The following ZFPM2 variants were observed in gnomAD, a reference collection of about 807,000 sequenced individuals.
The protein encoded by ZFPM2 is zinc finger protein, FOG family member 2.
Under a neutral mutation model 98.6 loss-of-function variants are expected in ZFPM2, and 20 were observed. The ratio of observed to expected loss-of-function variants is 0.20; its 90% CI spans 0.14 to 0.29. ZFPM2 has a LOEUF of 0.29. Ranked by LOEUF, ZFPM2 falls within the 10% of genes least tolerant of loss-of-function variation. The probability of loss-of-function intolerance (pLI) is 1.00; values close to 1 mark genes in which losing one functional copy is unlikely to be tolerated. For missense variants in ZFPM2, 1,310 were observed against 1,388.6 expected (o/e 0.94, Z 0.90); for synonymous variants, 518 against 502.7 (o/e 1.03, Z -0.41).
At chr8:105,648,858 C>G (rs7016884) in intron 5 of ZFPM2, among the ~76,000 whole-genome samples, 1 of 152,082 alleles carries the variant, frequency 6.6e-6, no homozygotes, top group Non-Finnish European at 1.5e-5. Context: ...CTTGGCAATG[C>G]GGGCTCTTTT....
chr8:105,695,798 C>T (rs1586203778), intron 5 of ZFPM2, among the ~76,000 whole-genome samples: 1 of 151,734 alleles, frequency 6.6e-6, no homozygotes, highest in African/African-American at 2.4e-5. Context: ...TAAGTCATCT[C>T]TACATTGGAC....
intron 4 of ZFPM2, among the ~76,000 whole-genome samples, chr8:105,612,184 A>G (rs1335222291): frequency 6.6e-6 from 1 of 152,188 alleles, no homozygotes; most frequent in Non-Finnish European, 1.5e-5. Context: ...CAATAGGTTC[A>G]AAATTTCCCA....
rs1210625146 is a variant in ZFPM2 at position 105,802,400 on chromosome 8, C to G, written c.2318C>G (p.Thr773Ser). ...VANLNNPCTS[T>S]QEPTEGLGEC... ...AACCTCAATAATCCTTGTACCTCCA[C>G]TCAAGAACCCACAGAAGGGCTAGGA... Residue 773 changes from threonine to serine, a missense_variant, in exon 8 of 8, where the codon ACT becomes AGT. Thr to Ser is a moderately conservative substitution (Grantham distance 58). Transcript: ENST00000407775. The G allele has an allele frequency of 6.2e-7, 1 of 1,613,778 alleles. No homozygotes were observed. Among genetic ancestry groups the G allele is most frequent in the Admixed American group, 1.7e-5 (1 of 60,002 alleles).
intron 1 of ZFPM2, among the ~76,000 whole-genome samples, chr8:105,337,473 G>T (rs1347989021): frequency 4.0e-5 from 6 of 151,652 alleles, no homozygotes; most frequent in Admixed American, 4.0e-4. Flanking sequence ...AAATCTCAAA[G>T]TTTCAAAATT....
intron 3 of ZFPM2, among the ~76,000 whole-genome samples, chr8:105,520,604 G>A (rs1468192375): frequency 6.6e-6 from 1 of 151,928 alleles, no homozygotes; most frequent in Non-Finnish European, 1.5e-5. Context: ...AATCTAGTTG[G>A]GTAGATAGGC....
intron 1 of ZFPM2, among the ~76,000 whole-genome samples, chr8:105,402,545 GCTT>G (rs1185068361): frequency 6.6e-6 from 1 of 151,760 alleles, no homozygotes; most frequent in Non-Finnish European, 1.5e-5. Flanking sequence ...GGATCCTTTG[GCTT>G]CTTTTCAGCC....
At chr8:105,660,867 T>C (rs1817374674) in intron 5 of ZFPM2, among the ~76,000 whole-genome samples, 1 of 152,158 alleles carries the variant, frequency 6.6e-6, no homozygotes, top group Non-Finnish European at 1.5e-5. Context: ...TATAATATCA[T>C]AGAAAGCATC....
At chr8:105,602,477 C>T (rs1248675160) in intron 4 of ZFPM2, among the ~76,000 whole-genome samples, 1 of 152,044 alleles carries the variant, frequency 6.6e-6, no homozygotes, top group Admixed American at 6.6e-5. Context: ...CCTACCTGAC[C>T]TTCTCTAGAA....
chr8:105,609,113 A>G (rs1316746056), intron 4 of ZFPM2, among the ~76,000 whole-genome samples: 6 of 152,130 alleles, frequency 3.9e-5, no homozygotes, highest in Non-Finnish European at 8.8e-5. Flanking sequence ...GCACAGCACA[A>G]TTATATTCCC....
intron 4 of ZFPM2, among the ~76,000 whole-genome samples, chr8:105,584,970 A>G (rs559487326): frequency 1.3e-5 from 2 of 152,308 alleles, no homozygotes; most frequent in African/African-American, 2.4e-5. Context: ...ATCAATTTCA[A>G]CTTAAAGCAA....
intron 1 of ZFPM2, among the ~76,000 whole-genome samples, chr8:105,390,588 C>G (rs1355142392): frequency 6.6e-6 from 1 of 152,164 alleles, no homozygotes; most frequent in Non-Finnish European, 1.5e-5. Context: ...TCTCCACTCC[C>G]CCGTATCCTC....
At chr8:105,636,305 A>G (rs1008018185) in intron 5 of ZFPM2, among the ~76,000 whole-genome samples, 4 of 152,262 alleles carry the variant, frequency 2.6e-5, no homozygotes, top group Non-Finnish European at 4.4e-5. Flanking sequence ...TCTTTTTGCA[A>G]TAAACAACTT....
At chr8:105,747,430 A>C in intron 5 of ZFPM2, among the ~76,000 whole-genome samples, 1 of 152,066 alleles carries the variant, frequency 6.6e-6, no homozygotes, top group African/African-American at 2.4e-5. Context: ...GCCACATGTA[A>C]TGTTCTCTGA....
chr8:105,632,274 A>G (rs1017752348), intron 4 of ZFPM2, among the ~76,000 whole-genome samples: 6 of 152,144 alleles, frequency 3.9e-5, no homozygotes, highest in African/African-American at 1.2e-4. Flanking sequence ...GGTTGAAGCA[A>G]TTCTCCTGCC....
chr8:105,591,717 CA>C (rs1815848410), intron 4 of ZFPM2, among the ~76,000 whole-genome samples: 1 of 151,934 alleles, frequency 6.6e-6, no homozygotes, highest in Non-Finnish European at 1.5e-5. Context: ...ATAAAATACC[CA>C]GTAATATCAT....
At chr8:105,606,535 T>C (rs1367455487) in intron 4 of ZFPM2, among the ~76,000 whole-genome samples, 2 of 152,016 alleles carry the variant, frequency 1.3e-5, no homozygotes, top group African/African-American at 2.4e-5. Context: ...TAATAGAACA[T>C]ATAAATGCAT....
intron 5 of ZFPM2, chr8:105,684,994 A>G (rs577765877): frequency 3.3e-5 from 5 of 152,264 alleles, no homozygotes; most frequent in Non-Finnish European, 2.9e-5. Context: ...TATAAAATAT[A>G]TACAGGCATG....
chr8:105,650,854 G>C (rs1010914986), intron 5 of ZFPM2, among the ~76,000 whole-genome samples: 1 of 152,136 alleles, frequency 6.6e-6, no homozygotes, highest in Non-Finnish European at 1.5e-5. Context: ...GTTGATTTGC[G>C]GTGGAGAGTT....
At chr8:105,406,078 C>CT (rs1190112640) in intron 1 of ZFPM2, among the ~76,000 whole-genome samples, 1 of 152,106 alleles carries the variant, frequency 6.6e-6, no homozygotes, top group Admixed American at 6.5e-5. Context: ...TAAATGTCTT[C>CT]TTTTGAGAAG....
Sources: gnomAD v4.1 joint callset for allele counts (sites outside exome capture counted in the v4.1 genomes callset) on GRCh38, gnomAD v4.1.1 for gene constraint, MANE v1.5 for transcripts, NCBI Gene and HGNC (gene_info 2026-07-23, HGNC 2026-07-21) for gene names.